Variants in BMPER observed in about 807,000 individuals in gnomAD.
The protein encoded by BMPER is BMP binding endothelial regulator, also known as BMP-binding endothelial regulator protein.
A neutral mutation model predicts 87.3 loss-of-function variants in BMPER; 45 were observed. That is an observed-to-expected ratio of 0.52 (90% CI 0.41 to 0.66). The LOEUF (loss-of-function observed/expected upper bound fraction) is 0.66. Ranked by LOEUF, BMPER falls within the 30% of genes least tolerant of loss-of-function variation. BMPER has a pLI of 0.00. For missense variants in BMPER, 784 were observed against 867.5 expected, an observed-to-expected ratio of 0.90 and a Z score of 1.21; for synonymous variants, 326 against 316.2, an observed-to-expected ratio of 1.03 and a Z score of -0.33.
At chr7:33,978,267 G>GCC (rs2127914543) in intron 6 of BMPER, among the ~76,000 whole-genome samples, 1 of 152,320 alleles carries the variant, frequency 6.6e-6, no homozygotes, top group South Asian at 2.1e-4. Flanking sequence ...AGAGACAGCA[G>GCC]CCCTTGCCAG....
At chr7:34,083,725 C>T (rs909640096) in intron 12 of BMPER, among the ~76,000 whole-genome samples, 1 of 152,130 alleles carries the variant, frequency 6.6e-6, no homozygotes, top group Non-Finnish European at 1.5e-5. Flanking sequence ...TCTTCCTGAT[C>T]TTCCACACAT....
chr7:34,088,394 C>A (rs1585820116), intron 13 of BMPER, among the ~76,000 whole-genome samples: 1 of 152,312 alleles, frequency 6.6e-6, no homozygotes, highest in Non-Finnish European at 1.5e-5. Flanking sequence ...GATCCTGTTT[C>A]TCCCCCTTAT....
chr7:34,153,531 G>T lies in BMPER; in HGVS notation c.*258G>T, dbSNP rs1791239087. On this transcript the variant is annotated 3_prime_UTR_variant, in exon 15 of 15. Transcript: ENST00000649409. Reference sequence around the variant, plus strand: ...TAACCTGTAAGCCATTGAACATGTTGTATAAATACACCAGGTGTTTTTAAT... The same window carrying T: ...TAACCTGTAAGCCATTGAACATGTTTTATAAATACACCAGGTGTTTTTAAT... The T allele has an allele frequency of 4.6e-6, 2 of 430,584 alleles. No homozygotes were observed. Among genetic ancestry groups the T allele is most frequent in the East Asian group, 4.3e-5 (1 of 23,476 alleles). The allele number at this position is 430,584 out of a possible 1,614,324, so 26.7% of individuals were successfully genotyped here.
At chr7:33,962,373 T>C (rs1423310187) in intron 3 of BMPER, among the ~76,000 whole-genome samples, 1 of 152,130 alleles carries the variant, frequency 6.6e-6, no homozygotes, top group African/African-American at 2.4e-5. Flanking sequence ...TTTAGGCTCA[T>C]TGTTGTATTA....
intron 3 of BMPER, among the ~76,000 whole-genome samples, chr7:33,941,334 T>G (rs1784761950): frequency 6.6e-6 from 1 of 151,210 alleles, no homozygotes; most frequent in Non-Finnish European, 1.5e-5. Context: ...ACACAGTGGT[T>G]CCCAACCTTT....
intron 6 of BMPER, among the ~76,000 whole-genome samples, chr7:34,033,084 A>G (rs1045877528): frequency 5.9e-5 from 9 of 152,182 alleles, no homozygotes; most frequent in Non-Finnish European, 1.2e-4. Context: ...CAAAGTATAT[A>G]ATATAAATGG....
intron 2 of BMPER, among the ~76,000 whole-genome samples, chr7:33,932,942 A>G (rs1006423841): frequency 6.6e-6 from 1 of 152,140 alleles, no homozygotes; most frequent in African/African-American, 2.4e-5. Context: ...CCTCCGCCCT[A>G]CGCTCATGGG....
intron 6 of BMPER, among the ~76,000 whole-genome samples, chr7:34,021,779 C>T (rs1269740346): frequency 6.6e-6 from 1 of 151,996 alleles, no homozygotes; most frequent in African/African-American, 2.4e-5. Context: ...TAAGAAAATA[C>T]CAAGTTGTCC....
intron 2 of BMPER, among the ~76,000 whole-genome samples, chr7:33,929,828 G>C (rs1449237300): frequency 6.6e-6 from 1 of 152,120 alleles, no homozygotes; most frequent in Non-Finnish European, 1.5e-5. Context: ...AGCATGGTGG[G>C]GCATATAATA....
chr7:34,110,847 G>T (rs1789943129), intron 13 of BMPER, among the ~76,000 whole-genome samples: 1 of 152,202 alleles, frequency 6.6e-6, no homozygotes, highest in South Asian at 2.1e-4. Context: ...TGGAACAATT[G>T]ATACTAATTT....
At chr7:34,144,689 G>T (rs1165048253) in intron 14 of BMPER, among the ~76,000 whole-genome samples, 1 of 152,136 alleles carries the variant, frequency 6.6e-6, no homozygotes, top group Non-Finnish European at 1.5e-5. Context: ...ACTCATAGAA[G>T]ATGCTCAGTC....
At chr7:33,914,784 G>T (rs1255726963) in intron 2 of BMPER, among the ~76,000 whole-genome samples, 1 of 152,180 alleles carries the variant, frequency 6.6e-6, no homozygotes, top group Non-Finnish European at 1.5e-5. Flanking sequence ...ACCTGTGAAA[G>T]AGATGGAAAA....
At chr7:34,084,853 G>A (rs1333883923) in intron 12 of BMPER, among the ~76,000 whole-genome samples, 2 of 152,190 alleles carry the variant, frequency 1.3e-5, no homozygotes, top group African/African-American at 4.8e-5. Flanking sequence ...CATGTCTGGA[G>A]GTATATGCAT....
intron 11 of BMPER, 52 bp downstream of exon 11, chr7:34,062,099 A>G (rs866030806): frequency 6.6e-7 from 1 of 1,522,224 alleles, no homozygotes. Flanking sequence ...TGCATTTTAT[A>G]GTGCAACAAG....
chr7:34,129,577 G>GGAGAGAGAGAGAGAGAGAGAGAGA (rs759886152), intron 13 of BMPER, among the ~76,000 whole-genome samples: 6 of 47,716 alleles, frequency 1.3e-4, no homozygotes, highest in Admixed American at 2.7e-4. Flanking sequence ...AAGGAAGGAA[G>GGAGAGAGAGAGAGAGAGAGAGAGA]GAGAGAGAGA....
intron 6 of BMPER, among the ~76,000 whole-genome samples, chr7:34,042,267 C>T (rs144370086): frequency 6.6e-6 from 1 of 152,166 alleles, no homozygotes; most frequent in African/African-American, 2.4e-5. Context: ...GAACAAATGA[C>T]CATCTCTCTA....
At chr7:34,036,854 A>G (rs1787686654) in intron 6 of BMPER, among the ~76,000 whole-genome samples, 1 of 152,142 alleles carries the variant, frequency 6.6e-6, no homozygotes, top group Non-Finnish European at 1.5e-5. Flanking sequence ...TGGTGGAAGG[A>G]GAAGAATTTC....
At chr7:34,063,098 G>A (rs1788484061) in intron 11 of BMPER, among the ~76,000 whole-genome samples, 1 of 152,162 alleles carries the variant, frequency 6.6e-6, no homozygotes, top group African/African-American at 2.4e-5. Context: ...ATAGCTTCCT[G>A]GAGTGTTTTA....
At chr7:34,093,958 AT>A (rs748374469) in intron 13 of BMPER, among the ~76,000 whole-genome samples, 14 of 152,042 alleles carry the variant, frequency 9.2e-5, no homozygotes, top group Non-Finnish European at 1.9e-4. Context: ...TGTTTTCCTC[AT>A]TTTACCGTGT....
Sources: gnomAD v4.1 joint callset for allele counts (sites outside exome capture counted in the v4.1 genomes callset) on GRCh38, gnomAD v4.1.1 for gene constraint, MANE v1.5 for transcripts, NCBI Gene and HGNC (gene_info 2026-07-23, HGNC 2026-07-21) for gene names.